Variants in CPM observed in about 807,000 individuals in gnomAD.
The protein encoded by CPM is renal carboxypeptidase.
In CPM, 35 loss-of-function variants were observed where a neutral mutation model predicts 46.4. The observed-to-expected ratio is 0.75, with a 90% CI of 0.58 to 1.00. CPM has a LOEUF of 1.00. CPM is among the 50% of genes least tolerant of loss of function. The pLI is 0.00. For missense variants in CPM, 422 were observed against 530.4 expected (o/e 0.80, Z 2.01); for synonymous variants, 195 against 195.3 (o/e 1.00, Z 0.01).
At chr12:68,960,624 CAA>C (rs1335830717) in intron 1 of CPM, among the ~76,000 whole-genome samples, 6 of 152,120 alleles carry the variant, frequency 3.9e-5, no homozygotes, top group Non-Finnish European at 8.8e-5. Flanking sequence ...CCTGGACCAG[CAA>C]GATAATTCGC....
rs182601142 is a variant in CPM, at chr12:68,870,876, C to T, written c.432-477G>A. The stretch of plus-strand genomic sequence containing the variant: ...AAATAAAAAGGCTGTTGCTTTAAGT[C>T]GCTAATTTTGGGGTGGTTCGTTAAG... On this transcript the variant is annotated intron_variant, in intron 4 of 8. Coordinates refer to ENST00000551568, the MANE Select transcript of CPM (RefSeq NM_198320.5). Among the ~76,000 whole-genome samples, 194 of 152,232 alleles carry T rather than the reference C, an allele frequency of 1.3e-3. 2 individuals carry two copies. The highest frequency in any genetic ancestry group is 2.4e-3 in the Non-Finnish European group (162 of 68,024).
chr12:68,852,948 T>G lies in CPM; in HGVS notation c.*3489A>C, dbSNP rs941241838. Reference sequence around the variant, plus strand: ...GTTGGTTTCTCTATAAAAGGAATTATAGCTGAACTAGAGCTGGAGGAGCAT... The same window carrying G: ...GTTGGTTTCTCTATAAAAGGAATTAGAGCTGAACTAGAGCTGGAGGAGCAT... On this transcript the variant is annotated 3_prime_UTR_variant, in exon 9 of 9. Transcript: ENST00000551568. 1 of 152,126 alleles carries G rather than the reference T, an allele frequency of 6.6e-6. No homozygotes were observed. Among genetic ancestry groups the G allele is most frequent in the Non-Finnish European group, 1.5e-5 (1 of 68,030 alleles). The allele number at this position is 152,126 out of a possible 1,614,324, so 9.4% of individuals were successfully genotyped here.
upstream of CPM, among the ~76,000 whole-genome samples, chr12:68,935,125 G>A (rs1021337870): frequency 1.3e-5 from 2 of 152,130 alleles, no homozygotes; most frequent in African/African-American, 4.8e-5. Flanking sequence ...GGCCAGGCTG[G>A]TCTGGAACTC....
intron 1 of CPM, among the ~76,000 whole-genome samples, chr12:68,951,172 C>A (rs1218125155): frequency 1.3e-5 from 2 of 152,214 alleles, no homozygotes; most frequent in African/African-American, 4.8e-5. Context: ...GCCTTACTTT[C>A]CTCAAGTGTT....
At chr12:68,945,300 C>G (rs1888828576) in intron 1 of CPM, among the ~76,000 whole-genome samples, 1 of 152,174 alleles carries the variant, frequency 6.6e-6, no homozygotes, top group African/African-American at 2.4e-5. Context: ...ATGGTTAGCT[C>G]TTTGTGCCCC....
At chr12:68,892,858 AC>A (rs1188232827) in intron 2 of CPM, among the ~76,000 whole-genome samples, 1 of 152,102 alleles carries the variant, frequency 6.6e-6, no homozygotes, top group Non-Finnish European at 1.5e-5. Context: ...AAACAAAAAA[AC>A]AAACCGAAAA....
intron 7 of CPM, among the ~76,000 whole-genome samples, chr12:68,866,670 A>T (rs1405342794): frequency 6.6e-6 from 1 of 152,174 alleles, no homozygotes; most frequent in African/African-American, 2.4e-5. Context: ...ATACCCTCAT[A>T]TTAAAGGAAC....
chr12:68,945,102 A>G (rs756520712), intron 1 of CPM, among the ~76,000 whole-genome samples: 98 of 152,202 alleles, frequency 6.4e-4, no homozygotes, highest in Non-Finnish European at 1.2e-3. Flanking sequence ...ACCTCTGGCC[A>G]CATGACTCCT....
At chr12:68,896,939 A>C (rs1014300012) in intron 2 of CPM, among the ~76,000 whole-genome samples, 2 of 152,062 alleles carry the variant, frequency 1.3e-5, no homozygotes, top group Non-Finnish European at 2.9e-5. Flanking sequence ...GAAAAATCTG[A>C]AGCTGCATTG....
intron 6 of CPM, among the ~76,000 whole-genome samples, chr12:68,867,632 C>T (rs1885510832): frequency 6.6e-6 from 1 of 152,134 alleles, no homozygotes; most frequent in Non-Finnish European, 1.5e-5. Flanking sequence ...GGGGTTTTGG[C>T]CAGTAAATGA....
At chr12:68,923,035 C>T (rs1888100748) in intron 2 of CPM, among the ~76,000 whole-genome samples, 1 of 152,032 alleles carries the variant, frequency 6.6e-6, no homozygotes, top group South Asian at 2.1e-4. Context: ...TCAAGTGATT[C>T]TCCTGTGTAA....
At chr12:68,877,877 C>G (rs1886027657) in intron 3 of CPM, among the ~76,000 whole-genome samples, 1 of 152,206 alleles carries the variant, frequency 6.6e-6, no homozygotes, top group African/African-American at 2.4e-5. Flanking sequence ...TCTGCGTAAA[C>G]CATTAAAATA....
At chr12:68,894,587 T>A (rs1269602060) in intron 2 of CPM, among the ~76,000 whole-genome samples, 2 of 152,222 alleles carry the variant, frequency 1.3e-5, no homozygotes, top group East Asian at 3.8e-4. Flanking sequence ...ATTTTCTGCC[T>A]TTTAAAATCC....
intron 2 of CPM, among the ~76,000 whole-genome samples, chr12:68,920,675 T>C (rs1887995759): frequency 1.4e-5 from 2 of 143,986 alleles, no homozygotes; most frequent in South Asian, 4.3e-4. Flanking sequence ...CTTAAGCTTT[T>C]TTTTTCTTTT....
intron 4 of CPM, 48 bp downstream of exon 4, chr12:68,871,736 C>G: frequency 6.2e-7 from 1 of 1,603,778 alleles, no homozygotes; most frequent in Non-Finnish European, 8.5e-7. Flanking sequence ...TGTCGGGAGC[C>G]TTTGTGTTGT....
At chr12:68,894,618 G>A (rs1193754889) in intron 2 of CPM, among the ~76,000 whole-genome samples, 1 of 152,054 alleles carries the variant, frequency 6.6e-6, no homozygotes, top group Admixed American at 6.6e-5. Context: ...ACAAAATCCT[G>A]GTTCTAAGAA....
intron 3 of CPM, among the ~76,000 whole-genome samples, chr12:68,873,284 G>A (rs1291069739): frequency 6.6e-6 from 1 of 152,188 alleles, no homozygotes; most frequent in Non-Finnish European, 1.5e-5. Flanking sequence ...AGCGGTCCTT[G>A]GATGACCACT....
At chr12:68,902,987 A>G (rs955125120) in intron 2 of CPM, among the ~76,000 whole-genome samples, 53 of 152,232 alleles carry the variant, frequency 3.5e-4, no homozygotes, top group African/African-American at 7.2e-5. Flanking sequence ...TCTCCAATAG[A>G]TGAGCATTAT....
At chr12:68,925,789 A>T (rs1319944691) in intron 2 of CPM, among the ~76,000 whole-genome samples, 1 of 152,236 alleles carries the variant, frequency 6.6e-6, no homozygotes, top group Non-Finnish European at 1.5e-5. Flanking sequence ...AATTAATAAT[A>T]ACAAATTGCA....
Sources: allele counts gnomAD v4.1 joint callset (sites outside exome capture counted in the v4.1 genomes callset), GRCh38; gene constraint gnomAD v4.1.1; transcripts MANE v1.5; gene names NCBI Gene and HGNC (gene_info 2026-07-23, HGNC 2026-07-21).